The following FANCA variants were observed in gnomAD, a reference collection of about 807,000 sequenced individuals.
FANCA encodes the protein Fanconi anemia group A protein.
Under a neutral mutation model 194.3 loss-of-function variants are expected in FANCA, and 236 were observed. The ratio of observed to expected loss-of-function variants is 1.21; its 90% CI spans 1.09 to 1.35. The LOEUF (loss-of-function observed/expected upper bound fraction) is 1.35, where lower values mean the gene tolerates loss of function less well. Among genes scored for constraint, FANCA ranks in the 40% most tolerant of loss-of-function variants. FANCA has a pLI of 0.00. For missense variants in FANCA, 2,628 were observed against 1,813.9 expected, an observed-to-expected ratio of 1.45 and a Z score of -8.15; for synonymous variants, 1,014 against 715.8, an observed-to-expected ratio of 1.42 and a Z score of -6.65.
chr16:89,759,615 G>A (rs2038881672), intron 29 of FANCA, among the ~76,000 whole-genome samples: 1 of 151,976 alleles, frequency 6.6e-6, no homozygotes, highest in Non-Finnish European at 1.5e-5. Flanking sequence ...AAAAAAATTA[G>A]CTGGGCATAG....
intron 15 of FANCA, among the ~76,000 whole-genome samples, chr16:89,784,126 G>A (rs372178656): frequency 2.0e-5 from 3 of 152,204 alleles, no homozygotes; most frequent in East Asian, 1.9e-4. Flanking sequence ...AGAACTTTGG[G>A]AGGCCAAGGC....
In FANCA at chr16:89,742,720, T is replaced by C. The variant is rs141368831; in HGVS notation, c.3765+80A>G. ...TATTTGTCTTTAGAAAAACAGTTCA[T>C]CAGACAAGCCCAGAGAAATAGCACT... On this transcript the variant is annotated intron_variant, in intron 37 of 42. Coordinates refer to ENST00000389301, the MANE Select transcript of FANCA (RefSeq NM_000135.4). 5.7e-6 allele frequency: 7 copies of C among 1,232,584 alleles called. No homozygotes were observed. In the East Asian group the frequency reaches 2.1e-4, roughly 37 times the overall value. 76.4% of individuals were successfully genotyped at this position (1,232,584 alleles called of 1,614,324 possible). A position where few individuals can be genotyped will look rare whatever the true frequency, so the allele number is the denominator to read the frequency against.
At chr16:89,746,205 C>T (rs1234428854) in intron 35 of FANCA, among the ~76,000 whole-genome samples, 1 of 152,188 alleles carries the variant, frequency 6.6e-6, no homozygotes, top group Non-Finnish European at 1.5e-5. Context: ...AAGTGGGCCA[C>T]AGTCATGCTC....
At chr16:89,773,923 C>T (rs1397730233) in intron 21 of FANCA, among the ~76,000 whole-genome samples, 1 of 152,000 alleles carries the variant, frequency 6.6e-6, no homozygotes, top group African/African-American at 2.4e-5. Flanking sequence ...GCACGCACCA[C>T]CACATCCAGC....
intron 14 of FANCA, among the ~76,000 whole-genome samples, 190 bp from the exon 15 acceptor site, chr16:89,785,154 G>A (rs1423248699): frequency 3.3e-5 from 5 of 152,098 alleles, no homozygotes; most frequent in East Asian, 1.9e-4. Context: ...TGCTGTAGTC[G>A]GCCTCCTAAA....
intron 7 of FANCA, among the ~76,000 whole-genome samples, chr16:89,805,013 G>A (rs1180895645): frequency 2.0e-5 from 3 of 152,174 alleles, no homozygotes; most frequent in Admixed American, 1.3e-4. Flanking sequence ...TCCAGCCTGG[G>A]CGACAGAAGG....
chr16:89,801,824 G>A (rs1323650942), intron 8 of FANCA, among the ~76,000 whole-genome samples: 2 of 151,258 alleles, frequency 1.3e-5, no homozygotes, highest in Middle Eastern at 6.8e-3. Flanking sequence ...GGAGGCAGAG[G>A]TTGCAGTGAG....
At chr16:89,759,318 TAAAAAAAAAAAAAAAAAAAAAA>T (rs71137673) in intron 29 of FANCA, among the ~76,000 whole-genome samples, 1 of 75,180 alleles carries the variant, frequency 1.3e-5, no homozygotes, top group Non-Finnish European at 2.6e-5. Context: ...AGACTCCGTC[TAAAAAAAAAAAAAAAAAAAAAA>T]AAAAAAAAAG....
intron 30 of FANCA, among the ~76,000 whole-genome samples, chr16:89,756,447 G>C (rs930213731): frequency 1.2e-4 from 19 of 152,122 alleles, no homozygotes; most frequent in African/African-American, 3.6e-4. Context: ...TGGCCAACAT[G>C]GTGAAACCCC....
At position 89,739,983 on chromosome 16, in the gene FANCA, G is replaced by A. The variant is rs553011717; in HGVS notation, c.3934+11C>T. The A allele has an allele frequency of 9.9e-6, 16 of 1,613,732 alleles. No individual in the cohort carries two copies. In the East Asian group the frequency reaches 1.8e-4, roughly 18 times the overall value. ...CCCTCCGCATTTGTGCCTCAGCAGC[G>A]TGTTTCTTACCACTCTCTGTCAACT... On this transcript the variant is annotated intron_variant, in intron 39 of 42. Transcript: ENST00000389301.
In FANCA at chr16:89,810,599, G is replaced by A. The variant is rs548998633; in HGVS notation, c.522+108C>T. 1.1e-4 allele frequency: 88 copies of A among 800,740 alleles called. 1 individual carries two copies. The highest frequency in any genetic ancestry group is 3.7e-4 in the South Asian group (27 of 73,054). 49.6% of individuals were successfully genotyped at this position (800,740 alleles called of 1,614,324 possible). On this transcript the variant is annotated intron_variant, in intron 5 of 42. Transcript: ENST00000389301. ...TTCATCCACTCTCTGTAATTAATGA[G>A]AAGCTTGGAGAATTCCCAAGAAAAC...
At chr16:89,753,726 C>G (rs996727076) in intron 30 of FANCA, among the ~76,000 whole-genome samples, 4 of 152,086 alleles carry the variant, frequency 2.6e-5, no homozygotes, top group Non-Finnish European at 5.9e-5. Flanking sequence ...AGGATGTCCT[C>G]TCTACACTCA....
At chr16:89,773,803 T>C (rs2039404476) in intron 21 of FANCA, among the ~76,000 whole-genome samples, 1 of 150,530 alleles carries the variant, frequency 6.6e-6, no homozygotes, top group Non-Finnish European at 1.5e-5. Context: ...AGATGGACTC[T>C]TGCTCTGTCA....
At chr16:89,801,150 C>G (rs1344797162) in intron 8 of FANCA, among the ~76,000 whole-genome samples, 1 of 151,848 alleles carries the variant, frequency 6.6e-6, no homozygotes, top group Admixed American at 6.6e-5. Context: ...TCGAGACCAG[C>G]CTGACCAACA....
chr16:89,748,511 A>G (rs1440532804), intron 33 of FANCA, 148 bp downstream of exon 33: 8 of 733,704 alleles, frequency 1.1e-5, no homozygotes, highest in African/African-American at 1.7e-5. Context: ...CCTCCCTCAC[A>G]TGGCATTCCA....
intron 10 of FANCA, chr16:89,798,936 C>T (rs2040343115): frequency 6.2e-7 from 1 of 1,608,564 alleles, no homozygotes; most frequent in African/African-American, 1.3e-5. Flanking sequence ...GAACAGGATA[C>T]TGCAGTGGGC....
intron 3 of FANCA, among the ~76,000 whole-genome samples, chr16:89,814,289 G>A (rs1414261337): frequency 6.6e-6 from 1 of 152,160 alleles, no homozygotes; most frequent in African/African-American, 2.4e-5. Context: ...GGGACACTCT[G>A]GGTCCTACTG....
In FANCA at chr16:89,749,772, G is replaced by A. The variant is rs1419279017; in HGVS notation, c.3197C>T (p.Ala1066Val). The A allele has an allele frequency of 3.7e-6, 6 of 1,614,240 alleles. No individual in the cohort carries two copies. In the Admixed American group the frequency reaches 8.3e-5, roughly 22 times the overall value. The change falls in exon 32 of 43, where the codon GCT (alanine) becomes GTT (valine). Residue 1066 changes from alanine to valine, a missense_variant. By Grantham distance (64) the Ala-to-Val change is moderately conservative. Coordinates refer to ENST00000389301, the MANE Select transcript of FANCA (RefSeq NM_000135.4). The stretch of plus-strand genomic sequence containing the variant: ...CTCCCTCTGTCTCTGAAGGCTGGCA[G>A]CCACGCTCCACCCGCTTGTCAGAGC... ...LQALTSGWSV[A>V]ASLQRQRELL... is the part of the protein sequence containing the mutation.
chr16:89,765,925 C>T (rs2039111119), intron 27 of FANCA, among the ~76,000 whole-genome samples: 1 of 152,144 alleles, frequency 6.6e-6, no homozygotes, highest in African/African-American at 2.4e-5. Context: ...GGAAAGGGGC[C>T]AGGAATCTAT....
Sources: gnomAD v4.1 joint callset for allele counts (sites outside exome capture counted in the v4.1 genomes callset) on GRCh38, gnomAD v4.1.1 for gene constraint, MANE v1.5 for transcripts, NCBI Gene and HGNC (gene_info 2026-07-23, HGNC 2026-07-21) for gene names.